Variants in NSMCE4A observed in about 807,000 individuals in gnomAD.
NSMCE4A encodes the protein NSE4A component of SMC5/6 complex, also known as non-structural maintenance of chromosomes element 4 homolog A.
A neutral mutation model predicts 47.9 loss-of-function variants in NSMCE4A; 40 were observed. The observed-to-expected ratio is 0.83, with a 90% CI of 0.65 to 1.09. The LOEUF (loss-of-function observed/expected upper bound fraction) is 1.09, where lower values mean the gene tolerates loss of function less well. NSMCE4A is among the 50% of genes least tolerant of loss of function. NSMCE4A has a pLI of 0.00. For missense variants in NSMCE4A, 500 were observed against 507.0 expected, an observed-to-expected ratio of 0.99 and a Z score of 0.13; for synonymous variants, 166 against 178.5, an observed-to-expected ratio of 0.93 and a Z score of 0.56.
intron 5 of NSMCE4A, among the ~76,000 whole-genome samples, chr10:121,963,636 C>A (rs548050763): frequency 1.3e-5 from 2 of 150,068 alleles, no homozygotes; most frequent in African/African-American, 4.9e-5. Flanking sequence ...GTCTAAGACA[C>A]CTGGCTAATT....
In NSMCE4A at chr10:121,975,114, C is replaced by A; in HGVS notation, c.52G>T (p.Asp18Tyr). ...GAGCGGGTGCGATCCCGATGCGGGT[C>A]GCGGCCCCGGCCCCGGCCCTCTGGC... ...RGPEGRGRGR[D>Y]PHRDRTRSRS... Residue 18 changes from aspartate (D) to tyrosine (Y), a missense_variant, in exon 1 of 11, where the codon GAC becomes TAC. Transcript: ENST00000369023. 7.0e-7 allele frequency: 1 copy of A among 1,428,264 alleles called. No individual in the cohort carries two copies. Among genetic ancestry groups the A allele is most frequent in the Non-Finnish European group, 9.1e-7 (1 of 1,102,290 alleles). 88.5% of individuals were successfully genotyped at this position (1,428,264 alleles called of 1,614,324 possible). A position where few individuals can be genotyped will look rare whatever the true frequency, so the allele number is the denominator to read the frequency against.
At chr10:121,972,373 C>G in intron 2 of NSMCE4A, among the ~76,000 whole-genome samples, 1 of 152,190 alleles carries the variant, frequency 6.6e-6, no homozygotes, top group Non-Finnish European at 1.5e-5. Flanking sequence ...AAGCAACCCC[C>G]TCAGCCCCGC....
At chr10:121,967,957 A>C in intron 3 of NSMCE4A, 151 bp from the exon 4 acceptor site, 1 of 732,778 alleles carries the variant, frequency 1.4e-6, no homozygotes, top group South Asian at 2.0e-5. Context: ...TACTGTGAAG[A>C]TAACTTTACA....
rs1371574228 is a variant in NSMCE4A, at chr10:121,973,966, T to A, written c.370+38A>T. ...GCTTATGTAACACTAATTAAAAGTATCATAAAACACGAAATAACATATAAA... is the reference window on the plus strand; with the variant it reads ...GCTTATGTAACACTAATTAAAAGTAACATAAAACACGAAATAACATATAAA... On this transcript the variant is annotated intron_variant, in intron 2 of 10. Coordinates refer to ENST00000369023, the MANE Select transcript of NSMCE4A (RefSeq NM_017615.3). 7 of 1,392,506 alleles carry A rather than the reference T, an allele frequency of 5.0e-6. No individual in the cohort carries two copies. In the South Asian group the frequency reaches 7.5e-5, roughly 15 times the overall value. The allele number at this position is 1,392,506 out of a possible 1,614,324, so 86.3% of individuals were successfully genotyped here.
intron 5 of NSMCE4A, among the ~76,000 whole-genome samples, chr10:121,963,828 C>T (rs562132586): frequency 6.6e-6 from 1 of 151,616 alleles, no homozygotes; most frequent in Non-Finnish European, 1.5e-5. Context: ...TGCAGTGAGC[C>T]GACATCGCGC....
At chr10:121,973,396 C>G (rs1412138149) in intron 2 of NSMCE4A, among the ~76,000 whole-genome samples, 1 of 152,162 alleles carries the variant, frequency 6.6e-6, no homozygotes, top group Non-Finnish European at 1.5e-5. Flanking sequence ...ACCAAGCAGA[C>G]AGACAGCTGC....
chr10:121,965,202 A>C, intron 5 of NSMCE4A, 84 bp downstream of exon 5: 1 of 958,888 alleles, frequency 1.0e-6, no homozygotes, highest in Non-Finnish European at 1.6e-6. Context: ...ACACTTAGAA[A>C]AAATGGCCAA....
intron 3 of NSMCE4A, among the ~76,000 whole-genome samples, chr10:121,970,643 T>C (rs1952690500): frequency 6.6e-6 from 1 of 151,754 alleles, no homozygotes; most frequent in African/African-American, 2.4e-5. Flanking sequence ...AGGTCTGAGG[T>C]CACTGAGAAT....
chr10:121,963,313 C>A lies in NSMCE4A; in HGVS notation c.769G>T (p.Glu257Ter). Reference sequence around the variant, plus strand: ...TTCTCTGTTGCTTCTTGATGAGATTCTTCCATTCTTCTTAACTGAAAAAAG... The same window carrying A: ...TTCTCTGTTGCTTCTTGATGAGATTATTCCATTCTTCTTAACTGAAAAAAG... ...AMPAQLRRME[E>*]SHQEATEKEV... Residue 257 changes from glutamate (E) to a stop codon, truncating the protein, a stop_gained, in exon 6 of 11, where the codon GAA becomes TAA. Coordinates refer to ENST00000369023, the MANE Select transcript of NSMCE4A (RefSeq NM_017615.3). LOFTEE classifies it high-confidence loss of function. The A allele has an allele frequency of 6.2e-7, 1 of 1,605,048 alleles. No homozygotes were observed. Among genetic ancestry groups the A allele is most frequent in the Non-Finnish European group, 8.5e-7 (1 of 1,172,864 alleles).
intron 5 of NSMCE4A, among the ~76,000 whole-genome samples, chr10:121,963,544 C>G (rs1952541819): frequency 6.6e-6 from 1 of 151,928 alleles, no homozygotes; most frequent in African/African-American, 2.4e-5. Context: ...GATCCTACCA[C>G]CTCAGCTTCT....
intron 3 of NSMCE4A, among the ~76,000 whole-genome samples, chr10:121,970,035 A>T (rs1952677821): frequency 6.6e-6 from 1 of 152,194 alleles, no homozygotes; most frequent in Admixed American, 6.5e-5. Context: ...TTTTTTAAAA[A>T]GACAACAAAG....
In NSMCE4A at chr10:121,974,934, C is replaced by T; in HGVS notation, c.232G>A (p.Asp78Asn). The T allele has an allele frequency of 6.5e-7, 1 of 1,533,530 alleles. No homozygotes were observed. The highest frequency in any genetic ancestry group is 2.7e-5 in the East Asian group (1 of 37,042). The allele number at this position is 1,533,530 out of a possible 1,614,324, so 95.0% of individuals were successfully genotyped here. Residue 78 changes from aspartate (D) to asparagine (N), a missense_variant, in exon 1 of 11, where the codon GAC (aspartate) becomes AAC (asparagine). By Grantham distance (23) the Asp-to-Asn change is conservative. Coordinates refer to ENST00000369023, the MANE Select transcript of NSMCE4A (RefSeq NM_017615.3). ...MDPASLEAEA[D>N]QGLCRQIRHQ... is the part of the protein sequence containing the mutation. ...CGGATCTGGCGGCACAGGCCTTGGT[C>T]GGCCTCCGCCTCCAAGCTGGCCGGG...
intron 3 of NSMCE4A, among the ~76,000 whole-genome samples, chr10:121,968,534 G>T (rs934328806): frequency 2.6e-5 from 4 of 152,136 alleles, no homozygotes; most frequent in Admixed American, 2.6e-4. Context: ...GCATCACTGA[G>T]AGAATGGCTC....
At chr10:121,965,002 G>A (rs566232334) in intron 5 of NSMCE4A, among the ~76,000 whole-genome samples, 286 of 152,170 alleles carry the variant, frequency 1.9e-3, no homozygotes, top group African/African-American at 6.6e-3. Context: ...CCTACAATGC[G>A]CAGGACAGCT....
At chr10:121,974,360 T>C (rs1472385374) in intron 1 of NSMCE4A, 11 of 1,191,880 alleles carry the variant, frequency 9.2e-6, no homozygotes, top group Non-Finnish European at 1.0e-5. Flanking sequence ...CATAACTGAG[T>C]GGTTCTCAAA....
intron 3 of NSMCE4A, among the ~76,000 whole-genome samples, chr10:121,968,285 A>G (rs1279262453): frequency 6.6e-6 from 1 of 152,186 alleles, no homozygotes; most frequent in Non-Finnish European, 1.5e-5. Context: ...GCTGTAGCCC[A>G]CTGGCAGCCA....
At position 121,961,476 on chromosome 10, in the gene NSMCE4A, G is replaced by A. The variant is rs1354084115; in HGVS notation, c.886C>T (p.His296Tyr). The A allele has an allele frequency of 6.4e-7, 1 of 1,572,404 alleles. No homozygotes were observed. Among genetic ancestry groups the A allele is most frequent in the East Asian group, 2.3e-5 (1 of 42,718 alleles). Residue 296 changes from histidine (H) to tyrosine (Y), a missense_variant, in exon 7 of 11, where the codon CAT becomes TAT. By Grantham distance (83) the His-to-Tyr change is moderately conservative. Transcript: ENST00000369023. ...TTTTCCACTGTACGGGGGAAAGAAT[G>A]AGGATCAACCACAAAGTCAAAGAAG... ...MSFFDFVVDP[H>Y]SFPRTVENIF...
At chr10:121,959,764 C>T (rs1952465022) in intron 8 of NSMCE4A, 169 bp from the exon 9 acceptor site, 1 of 600,852 alleles carries the variant, frequency 1.7e-6, no homozygotes, top group Admixed American at 3.0e-5. Flanking sequence ...AGTATTATTA[C>T]AGTAGCCAGT....
intron 2 of NSMCE4A, 76 bp downstream of exon 2, chr10:121,973,928 T>C: frequency 4.0e-6 from 4 of 987,672 alleles, no homozygotes; most frequent in Non-Finnish European, 6.2e-6. Flanking sequence ...TTGTTTTATG[T>C]CAATAATTTG....
Sources: gnomAD v4.1 joint callset for allele counts (sites outside exome capture counted in the v4.1 genomes callset) on GRCh38, gnomAD v4.1.1 for gene constraint, MANE v1.5 for transcripts, NCBI Gene and HGNC (gene_info 2026-07-23, HGNC 2026-07-21) for gene names.